Variants in GATC observed in about 807,000 individuals in gnomAD.
The protein encoded by GATC is glutamyl-tRNA amidotransferase subunit C.
A neutral mutation model predicts 14.4 loss-of-function variants in GATC; 11 were observed. That is an observed-to-expected ratio of 0.77 (90% CI 0.48 to 1.27). The LOEUF (loss-of-function observed/expected upper bound fraction) is 1.27, where lower values mean the gene tolerates loss of function less well. Among genes scored for constraint, GATC ranks in the 50% most tolerant of loss-of-function variants. The pLI is 0.00. For missense variants in GATC, 204 were observed against 183.0 expected, an observed-to-expected ratio of 1.11 and a Z score of -0.66; for synonymous variants, 76 against 79.3, an observed-to-expected ratio of 0.96 and a Z score of 0.22.
rs1160528332 is a variant in GATC at position 120,446,719 on chromosome 12, C to G, written c.144C>G (p.Phe48Leu). The G allele has an allele frequency of 6.2e-7, 1 of 1,613,808 alleles. No homozygotes were observed. The highest frequency in any genetic ancestry group is 1.1e-5 in the South Asian group (1 of 91,076). Reference sequence around the variant, plus strand: ...TGGAGCGTCTAGCGCTTGTGGACTTCGGCAGCCGCGAGGCAGTGGCGCGAC... The same window carrying G: ...TGGAGCGTCTAGCGCTTGTGGACTTGGGCAGCCGCGAGGCAGTGGCGCGAC... The part of the protein sequence containing the change: ...EHLERLALVD[F>L]GSREAVARLE... The change falls in exon 2 of 4, where the codon TTC (phenylalanine) becomes TTG (leucine). Residue 48 changes from phenylalanine (F) to leucine (L), a missense_variant. Physicochemically the swap from Phe to Leu is conservative, Grantham distance 22 (BLOSUM62 0). Coordinates refer to ENST00000551765, the MANE Select transcript of GATC (RefSeq NM_176818.3).
At position 120,462,053 on chromosome 12, in the gene GATC, G is replaced by A; in HGVS notation, c.*2094G>A. ...CCTGAAAGGAGAGAAGTAGTGTGGG[G>A]AACCCCTGCTTTGGTATGGAGAGTC... is the stretch of plus-strand genomic sequence containing the variant. On this transcript the variant is annotated 3_prime_UTR_variant, in exon 4 of 4. Coordinates refer to ENST00000551765, the MANE Select transcript of GATC (RefSeq NM_176818.3). 2.5e-6 allele frequency: 4 copies of A among 1,611,896 alleles called. No individual in the cohort carries two copies. The highest frequency in any genetic ancestry group is 3.4e-6 in the Non-Finnish European group (4 of 1,179,806).
chr12:120,460,052 C>A lies in GATC; in HGVS notation c.*93C>A. 1 of 930,140 alleles carries A rather than the reference C, an allele frequency of 1.1e-6. No homozygotes were observed. The highest frequency in any genetic ancestry group is 1.7e-6 in the Non-Finnish European group (1 of 594,968). 57.6% of individuals were successfully genotyped at this position (930,140 alleles called of 1,614,324 possible). A position where few individuals can be genotyped will look rare whatever the true frequency, so the allele number is the denominator to read the frequency against. On this transcript the variant is annotated 3_prime_UTR_variant, in exon 4 of 4. Coordinates refer to ENST00000551765, the MANE Select transcript of GATC (RefSeq NM_176818.3). ...TGAATACTAATGTTCCTGCTTTTTT[C>A]AGTCCCCTGAAAAAATGGATGCTCA...
rs1035542548 is a variant in GATC, at chr12:120,462,357, G to A, written c.*2398G>A. 3 of 496,940 alleles carry A rather than the reference G, an allele frequency of 6.0e-6. No homozygotes were observed. Among genetic ancestry groups the A allele is most frequent in the Admixed American group, 4.0e-5 (1 of 25,114 alleles). 30.8% of individuals were successfully genotyped at this position (496,940 alleles called of 1,614,324 possible). A position where few individuals can be genotyped will look rare whatever the true frequency, so the allele number is the denominator to read the frequency against. On this transcript the variant is annotated 3_prime_UTR_variant, in exon 4 of 4. Transcript: ENST00000551765. ...CTTACTATCCCATTTCAAGAATGAA[G>A]AAAATTAAGACTTAAGTTATATCAT...
Position 120,446,841 on chromosome 12 carries a change from G to A in GATC, c.254+12G>A. 1 of 1,583,542 alleles carries A rather than the reference G, an allele frequency of 6.3e-7. No individual in the cohort carries two copies. The highest frequency in any genetic ancestry group is 8.6e-7 in the Non-Finnish European group (1 of 1,160,486). On this transcript the variant is annotated intron_variant, in intron 2 of 3. Coordinates refer to ENST00000551765, the MANE Select transcript of GATC (RefSeq NM_176818.3). Reference sequence around the variant, plus strand: ...GTCCTGGAGGACAGGTAAACTCGCGGCTGCAGCCCCGAAGCCTTGACCGTG... The same window carrying A: ...GTCCTGGAGGACAGGTAAACTCGCGACTGCAGCCCCGAAGCCTTGACCGTG...
In GATC at chr12:120,461,993, TAAAG is replaced by T. The variant is rs1298698738; in HGVS notation, c.*2038_*2041del. Reference sequence around the variant, plus strand: ...AAAGCAGCTCAGTTAACCTAAAAAATAAAGAAAAAATTCCCATCACCTGTCTCAG... The same window carrying T: ...AAAGCAGCTCAGTTAACCTAAAAAATAAAAAATTCCCATCACCTGTCTCAG... On this transcript the variant is annotated 3_prime_UTR_variant, in exon 4 of 4. Transcript: ENST00000551765. The T allele has an allele frequency of 5.1e-6, 8 of 1,582,888 alleles. No homozygotes were observed. In the African/African-American group the frequency reaches 5.4e-5, roughly 11 times the overall value.
intron 2 of GATC, among the ~76,000 whole-genome samples, chr12:120,454,575 A>ATT (rs35467904): frequency 6.6e-4 from 95 of 144,844 alleles, no homozygotes; most frequent in Middle Eastern, 3.6e-3. Context: ...CGCCTGGCTA[A>ATT]TTTTTTTTTT....
At chr12:120,448,642 CTTTTT>C (rs71451885) in intron 2 of GATC, among the ~76,000 whole-genome samples, 1 of 87,494 alleles carries the variant, frequency 1.1e-5, no homozygotes, top group Non-Finnish European at 2.0e-5. Context: ...AAGTCCATTC[CTTTTT>C]TTTTTTTTTT....
intron 2 of GATC, among the ~76,000 whole-genome samples, chr12:120,452,550 C>T (rs1351401907): frequency 6.6e-6 from 1 of 152,084 alleles, no homozygotes; most frequent in Admixed American, 6.6e-5. Context: ...CCCCTATGGC[C>T]AGCTAATTTT....
rs1653972559 is a variant in GATC, at chr12:120,461,496, T to TG, written c.*1539dup. On this transcript the variant is annotated 3_prime_UTR_variant, in exon 4 of 4. Transcript: ENST00000551765. ...TAAAAGAGAACCCAGAACCCGCTCT[T>TG]GGAGTTTACGTTCTCAAACCAACAT... is the stretch of plus-strand genomic sequence containing the variant. 1 of 152,216 alleles carries TG rather than the reference T, an allele frequency of 6.6e-6. No individual in the cohort carries two copies. The highest frequency in any genetic ancestry group is 1.5e-5 in the Non-Finnish European group (1 of 68,054). The allele number at this position is 152,216 out of a possible 1,614,324, so 9.4% of individuals were successfully genotyped here.
Position 120,460,090 on chromosome 12 carries a change from T to C in GATC, c.*131T>C, listed in dbSNP as rs906414825. On this transcript the variant is annotated 3_prime_UTR_variant, in exon 4 of 4. Transcript: ENST00000551765. ...AAATGGATGCTCAAGCATTTCTTAATAACAGATTCTTCTGAAGACAGAATT... is the reference window on the plus strand; with the variant it reads ...AAATGGATGCTCAAGCATTTCTTAACAACAGATTCTTCTGAAGACAGAATT... 4.7e-6 allele frequency: 3 copies of C among 636,724 alleles called. No homozygotes were observed. Among genetic ancestry groups the C allele is most frequent in the Non-Finnish European group, 8.4e-6 (3 of 359,128 alleles). 39.4% of individuals were successfully genotyped at this position (636,724 alleles called of 1,614,324 possible). A position where few individuals can be genotyped will look rare whatever the true frequency, so the allele number is the denominator to read the frequency against.
rs772572467 is a variant in GATC, at chr12:120,446,666, C to G, written c.91C>G (p.Arg31Gly). Residue 31 changes from arginine to glycine, a missense_variant, in exon 2 of 4, where the codon CGG becomes GGG. Arg to Gly is a moderately radical substitution (Grantham distance 125). Transcript: ENST00000551765. ...TSKADPQGSG[R>G]ITAAVIEHLE... ...CTCATCCCTCCTCCAGGGCAGTGGC[C>G]GGATCACGGCTGCGGTGATCGAGCA... 1.2e-6 allele frequency: 2 copies of G among 1,611,484 alleles called. No homozygotes were observed. The highest frequency in any genetic ancestry group is 1.7e-6 in the Non-Finnish European group (2 of 1,178,820).
At chr12:120,447,339 T>G (rs1248498455) in intron 2 of GATC, among the ~76,000 whole-genome samples, 2 of 152,046 alleles carry the variant, frequency 1.3e-5, no homozygotes, top group Non-Finnish European at 2.9e-5. Flanking sequence ...CCTCCCAAAG[T>G]GCTGGGATTA....
chr12:120,452,025 C>T lies in GATC; in HGVS notation c.255-5051C>T, dbSNP rs544824334. On this transcript the variant is annotated intron_variant, in intron 2 of 3. Coordinates refer to ENST00000551765, the MANE Select transcript of GATC (RefSeq NM_176818.3). Reference sequence around the variant, plus strand: ...CCAAGTAGCTGGGACTACAGGTGCCCGGCACCATGCCCAGCTAATTTTTGT... The same window carrying T: ...CCAAGTAGCTGGGACTACAGGTGCCTGGCACCATGCCCAGCTAATTTTTGT... Among the ~76,000 whole-genome samples the T allele has an allele frequency of 3.4e-4, 51 of 148,956 alleles. 1 individual carries two copies. In the South Asian group the frequency reaches 5.6e-3, roughly 16 times the overall value.
At chr12:120,447,853 T>G (rs1283175338) in intron 2 of GATC, among the ~76,000 whole-genome samples, 1 of 152,078 alleles carries the variant, frequency 6.6e-6, no homozygotes, top group Non-Finnish European at 1.5e-5. Flanking sequence ...CCTCCCAGAC[T>G]CAAGAGAGCC....
intron 1 of GATC, 28 bp from the exon 2 acceptor site, chr12:120,446,629 C>T: frequency 6.3e-7 from 1 of 1,597,344 alleles, no homozygotes; most frequent in Non-Finnish European, 8.5e-7. Flanking sequence ...GCCGGTGACC[C>T]ACACTCCCCG....
rs1448973379 is a variant in GATC, at chr12:120,462,181, C to A, written c.*2222C>A. The A allele has an allele frequency of 7.5e-6, 12 of 1,591,000 alleles. No homozygotes were observed. Among genetic ancestry groups the A allele is most frequent in the Admixed American group, 5.5e-5 (3 of 54,868 alleles). ...TTTCACCCTGAAATGCAAACAAAAA[C>A]AAAAAGAGTAAAGGGGAAAAAAATC... On this transcript the variant is annotated 3_prime_UTR_variant, in exon 4 of 4. Coordinates refer to ENST00000551765, the MANE Select transcript of GATC (RefSeq NM_176818.3).
rs1006825487 is a variant in GATC at position 120,451,865 on chromosome 12, T to C, written c.254+5036T>C. 3.4e-5 allele frequency among the ~76,000 whole-genome samples: 5 copies of C among 148,572 alleles called. No individual in the cohort carries two copies. The Admixed American group carries it at 3.4e-4, about 10-fold the overall frequency. On this transcript the variant is annotated intron_variant, in intron 2 of 3. Transcript: ENST00000551765. ...GCTTACATGCCAGGGGCTAATAAAT[T>C]ATATAAATTCTTTTTTTTTTTTTTT...
At position 120,446,692 on chromosome 12, in the gene GATC, C is replaced by T. The variant is rs1048466570; in HGVS notation, c.117C>T (p.His39=). The change falls in exon 2 of 4, where the codon CAC becomes CAT. Residue 39 remains histidine, a synonymous_variant. Coordinates refer to ENST00000551765, the MANE Select transcript of GATC (RefSeq NM_176818.3). ...SGRITAAVIE[H]LERLALVDFG... ...GGATCACGGCTGCGGTGATCGAGCA[C>T]CTGGAGCGTCTAGCGCTTGTGGACT... 3.7e-6 allele frequency: 6 copies of T among 1,613,644 alleles called. No homozygotes were observed. Among genetic ancestry groups the T allele is most frequent in the Non-Finnish European group, 5.1e-6 (6 of 1,179,882 alleles).
intron 2 of GATC, among the ~76,000 whole-genome samples, chr12:120,456,257 C>T (rs953133652): frequency 2.0e-5 from 3 of 152,050 alleles, no homozygotes; most frequent in East Asian, 1.9e-4. Flanking sequence ...TGTTTTTTAC[C>T]GGTTTGCCAT....
Sources: gnomAD v4.1 joint callset for allele counts (sites outside exome capture counted in the v4.1 genomes callset) on GRCh38, gnomAD v4.1.1 for gene constraint, MANE v1.5 for transcripts, NCBI Gene and HGNC (gene_info 2026-07-23, HGNC 2026-07-21) for gene names.